COL23A1: variants seen among roughly 807,000 people sequenced by gnomAD.
The protein encoded by COL23A1 is collagen alpha-1(XXIII) chain.
Under a neutral mutation model 99.3 loss-of-function variants are expected in COL23A1, and 97 were observed. The ratio of observed to expected loss-of-function variants is 0.98; its 90% CI spans 0.83 to 1.16. The LOEUF (loss-of-function observed/expected upper bound fraction) is 1.16. Ranked by LOEUF, COL23A1 falls within the 50% of genes most tolerant of loss-of-function variation. The pLI, the probability that COL23A1 is intolerant of heterozygous loss-of-function variation, is 0.00. For synonymous variants in COL23A1, 320 were observed against 308.2 expected, an observed-to-expected ratio of 1.04 and a Z score of -0.40; for missense variants, 762 against 757.4, an observed-to-expected ratio of 1.01 and a Z score of -0.07.
At chr5:178,258,407 T>C (rs867113750) in intron 12 of COL23A1, among the ~76,000 whole-genome samples, 1 of 141,146 alleles carries the variant, frequency 7.1e-6, no homozygotes, top group Non-Finnish European at 1.6e-5. Flanking sequence ...TTTTTTTTTT[T>C]TTTTTTGTAA....
rs925315257 is a variant in COL23A1, at chr5:178,240,699, C to T, written c.1581+1343G>A. On this transcript the variant is annotated intron_variant, in intron 27 of 28. Coordinates refer to ENST00000390654, the MANE Select transcript of COL23A1 (RefSeq NM_173465.4). ...TTTCTCATTGACTTCTCAAAACTGT[C>T]CGAGGGGAGCGGTATCCCCCACTGC... is the stretch of plus-strand genomic sequence containing the variant. Among the ~76,000 whole-genome samples, 11 of 152,326 alleles carry T rather than the reference C, an allele frequency of 7.2e-5. No individual in the cohort carries two copies. The South Asian group carries it at 2.1e-3, about 29-fold the overall frequency.
chr5:178,486,388 G>A, intron 2 of COL23A1, among the ~76,000 whole-genome samples: 1 of 152,228 alleles, frequency 6.6e-6, no homozygotes, highest in East Asian at 1.9e-4. Context: ...GTAAGATCCA[G>A]CGCAGAGAAT....
At chr5:178,414,583 C>T (rs1192827551) in intron 2 of COL23A1, among the ~76,000 whole-genome samples, 2 of 152,090 alleles carry the variant, frequency 1.3e-5, no homozygotes, top group South Asian at 4.1e-4. Context: ...ACCAGCCTGG[C>T]CAACAGGGTG....
chr5:178,425,485 A>G (rs2127805726), intron 2 of COL23A1, among the ~76,000 whole-genome samples: 1 of 152,094 alleles, frequency 6.6e-6, no homozygotes, highest in South Asian at 2.1e-4. Context: ...AATAAAGCCA[A>G]TGGTGGCTGT....
At chr5:178,290,412 A>G in intron 3 of COL23A1, 43 bp from the exon 4 acceptor site, 1 of 1,613,950 alleles carries the variant, frequency 6.2e-7, no homozygotes, top group South Asian at 1.1e-5. Context: ...TGTGGAAGGC[A>G]GAGTCCCCTC....
intron 2 of COL23A1, among the ~76,000 whole-genome samples, chr5:178,371,110 T>C (rs1010222697): frequency 1.3e-5 from 2 of 152,094 alleles, no homozygotes; most frequent in Non-Finnish European, 2.9e-5. Flanking sequence ...CATGTAGACA[T>C]GTATCAGAAA....
chr5:178,563,554 CAG>C (rs1762709582), intron 1 of COL23A1, among the ~76,000 whole-genome samples: 1 of 86,654 alleles, frequency 1.2e-5, no homozygotes, highest in Non-Finnish European at 2.1e-5. Context: ...TTTTTTGAGA[CAG>C]GGTCTCACTC....
intron 2 of COL23A1, among the ~76,000 whole-genome samples, chr5:178,425,613 G>A (rs566770396): frequency 3.3e-5 from 5 of 152,170 alleles, no homozygotes; most frequent in South Asian, 2.1e-4. Flanking sequence ...TGGTGCAACC[G>A]GCCAACACAC....
At chr5:178,535,323 C>G (rs1581585780) in intron 2 of COL23A1, among the ~76,000 whole-genome samples, 1 of 152,230 alleles carries the variant, frequency 6.6e-6, no homozygotes, top group East Asian at 1.9e-4. Context: ...CTGACGCTCT[C>G]AGAGCCCTGG....
At chr5:178,355,492 A>G (rs1305169983) in intron 2 of COL23A1, among the ~76,000 whole-genome samples, 2 of 152,072 alleles carry the variant, frequency 1.3e-5, no homozygotes, top group African/African-American at 2.4e-5. Context: ...GCATTGCTAT[A>G]AAGAACTACC....
intron 2 of COL23A1, among the ~76,000 whole-genome samples, chr5:178,397,849 TG>T (rs1246645004): frequency 6.6e-6 from 1 of 152,090 alleles, no homozygotes; most frequent in Middle Eastern, 3.2e-3. Flanking sequence ...TAGCTGGGTG[TG>T]GTGACACGTG....
intron 2 of COL23A1, among the ~76,000 whole-genome samples, chr5:178,474,033 G>A (rs10066133): frequency 0.016 from 2,421 of 152,286 alleles, 74 homozygotes; most frequent in African/African-American, 0.053. Context: ...GAAAGCTGAC[G>A]TCATCAAGAG....
intron 2 of COL23A1, among the ~76,000 whole-genome samples, chr5:178,358,232 ATG>A (rs1276901748): frequency 1.7e-4 from 13 of 77,592 alleles, no homozygotes; most frequent in East Asian, 1.4e-3. Flanking sequence ...TAATGTGTGT[ATG>A]TGTGTATGTG....
At chr5:178,394,568 T>C (rs1764127389) in intron 2 of COL23A1, among the ~76,000 whole-genome samples, 2 of 152,246 alleles carry the variant, frequency 1.3e-5, no homozygotes, top group Non-Finnish European at 2.9e-5. Context: ...AGCTAAACTG[T>C]GTGGCCTGAA....
intron 2 of COL23A1, among the ~76,000 whole-genome samples, chr5:178,331,832 A>G (rs538011181): frequency 6.6e-6 from 1 of 152,336 alleles, no homozygotes; most frequent in African/African-American, 2.4e-5. Context: ...CGAAATAGTG[A>G]CACAGCTGTC....
intron 2 of COL23A1, among the ~76,000 whole-genome samples, chr5:178,382,352 G>A (rs912462976): frequency 3.3e-5 from 5 of 152,180 alleles, no homozygotes; most frequent in Non-Finnish European, 5.9e-5. Flanking sequence ...TCTTTCTGTG[G>A]GCACCGGCAG....
intron 17 of COL23A1, among the ~76,000 whole-genome samples, chr5:178,250,471 C>T (rs1230817770): frequency 1.3e-5 from 2 of 152,206 alleles, no homozygotes; most frequent in Non-Finnish European, 2.9e-5. Flanking sequence ...GTGCAGGCCA[C>T]AGGGTGTGCA....
intron 16 of COL23A1, among the ~76,000 whole-genome samples, chr5:178,253,162 T>A (rs1372972875): frequency 6.6e-6 from 1 of 152,132 alleles, no homozygotes; most frequent in African/African-American, 2.4e-5. Context: ...TTCTGCAGGC[T>A]ACCTGCCACC....
intron 2 of COL23A1, among the ~76,000 whole-genome samples, chr5:178,559,790 G>C (rs541866226): frequency 2.2e-5 from 3 of 135,306 alleles, no homozygotes; most frequent in African/African-American, 8.9e-5. Context: ...CCTGCACATC[G>C]AGAAGTCTGA....
Sources: allele counts gnomAD v4.1 joint callset (sites outside exome capture counted in the v4.1 genomes callset), GRCh38; gene constraint gnomAD v4.1.1; transcripts MANE v1.5; gene names NCBI Gene and HGNC (gene_info 2026-07-23, HGNC 2026-07-21).